The following PARP4 variants were observed in gnomAD, a reference collection of about 807,000 sequenced individuals.
PARP4 encodes the protein poly(ADP-ribose) polymerase family member 4, also known as protein mono-ADP-ribosyltransferase PARP4.
A neutral mutation model predicts 187.7 loss-of-function variants in PARP4; 120 were observed. The observed-to-expected ratio is 0.64, with a 90% CI of 0.55 to 0.74. The LOEUF is 0.74. PARP4 is among the 30% of genes least tolerant of loss of function. The probability of loss-of-function intolerance (pLI) is 0.00; values close to 1 mark genes in which losing one functional copy is unlikely to be tolerated. For missense variants in PARP4, 1,836 were observed against 2,070.5 expected, an observed-to-expected ratio of 0.89 and a Z score of 2.20; for synonymous variants, 654 against 740.9, an observed-to-expected ratio of 0.88 and a Z score of 1.90.
chr13:24,426,319 T>C (rs1270392639), intron 33 of PARP4, 147 bp downstream of exon 33: 1 of 629,150 alleles, frequency 1.6e-6, no homozygotes, highest in Non-Finnish European at 2.7e-6. Context: ...CAGGAGACTA[T>C]GGGCAAGCTG....
chr13:24,455,614 CTTT>C (rs1233823030), intron 21 of PARP4, among the ~76,000 whole-genome samples: 7,884 of 115,230 alleles, frequency 0.068, 163 homozygotes, highest in Non-Finnish European at 0.1. Flanking sequence ...TGTAAGTTTC[CTTT>C]TTTTTTTTTT....
intron 1 of PARP4, among the ~76,000 whole-genome samples, chr13:24,510,980 T>A (rs112605775): frequency 3.7e-5 from 2 of 53,578 alleles, no homozygotes; most frequent in African/African-American, 1.4e-4. Flanking sequence ...AGAGACAGGG[T>A]TCTTACTATG....
chr13:24,492,604 G>A lies in PARP4; in HGVS notation c.880-10C>T. 1 of 1,603,626 alleles carries A rather than the reference G, an allele frequency of 6.2e-7. No individual in the cohort carries two copies. Among genetic ancestry groups the A allele is most frequent in the South Asian group, 1.1e-5 (1 of 90,216 alleles). On this transcript the variant is annotated splice_polypyrimidine_tract_variant and intron_variant, in intron 8 of 33. Transcript: ENST00000381989. ...CCTCTGCCTTGCTCACCTTTCAACA[G>A]ATCATATATGCTTATTACAATGAAA...
rs542327135 is a variant in PARP4 at position 24,487,049 on chromosome 13, C to T, written c.1215-744G>A. On this transcript the variant is annotated intron_variant, in intron 10 of 33. Transcript: ENST00000381989. ...GGCTGTGGTGGGCGGATCATGAGGT[C>T]AGGAGATCAAGACCATCCTAGCCAA... is the stretch of plus-strand genomic sequence containing the variant. Among the ~76,000 whole-genome samples, 3 of 151,220 alleles carry T rather than the reference C, an allele frequency of 2.0e-5. No individual in the cohort carries two copies. In the East Asian group the frequency reaches 5.8e-4, roughly 29 times the overall value.
At chr13:24,426,765 A>G (rs1870072977) in intron 32 of PARP4, among the ~76,000 whole-genome samples, 167 bp from the exon 33 acceptor site, 1 of 151,428 alleles carries the variant, frequency 6.6e-6, no homozygotes, top group Non-Finnish European at 1.5e-5. Context: ...GGTGGCAGGC[A>G]CCTGTAGTCC....
intron 27 of PARP4, among the ~76,000 whole-genome samples, chr13:24,444,499 A>G (rs181909039): frequency 1.6e-3 from 242 of 152,304 alleles, no homozygotes; most frequent in African/African-American, 5.5e-3. Context: ...TGAGAAAAAA[A>G]CCCAGCAATG....
chr13:24,509,057 A>C (rs954695894), intron 1 of PARP4, among the ~76,000 whole-genome samples: 1 of 152,206 alleles, frequency 6.6e-6, no homozygotes, highest in African/African-American at 2.4e-5. Context: ...TCATCTTAGA[A>C]AATAATACTC....
intron 7 of PARP4, 26 bp from the exon 8 acceptor site, chr13:24,493,759 C>A: frequency 1.2e-6 from 2 of 1,610,770 alleles, no homozygotes; most frequent in South Asian, 2.2e-5. Context: ...AGAAATGCCA[C>A]CAAAAAGTCA....
At chr13:24,452,364 C>T in intron 24 of PARP4, 42 bp downstream of exon 24, 1 of 1,520,370 alleles carries the variant, frequency 6.6e-7, no homozygotes, top group South Asian at 1.2e-5. Flanking sequence ...AAGACGACCT[C>T]CCCGTGGGTC....
At chr13:24,446,548 G>T in intron 27 of PARP4, 133 bp downstream of exon 27, 1 of 609,868 alleles carries the variant, frequency 1.6e-6, no homozygotes, top group Non-Finnish European at 2.9e-6. Flanking sequence ...GAAAGTTTAC[G>T]AATTTGTATT....
intron 1 of PARP4, among the ~76,000 whole-genome samples, chr13:24,509,769 A>G (rs982516357): frequency 6.6e-6 from 1 of 151,744 alleles, no homozygotes; most frequent in African/African-American, 2.4e-5. Context: ...GCATGATCTC[A>G]GCTCACTGCA....
Position 24,484,635 on chromosome 13 carries a change from A to T in PARP4, c.1448+18T>A. 6.5e-7 allele frequency: 1 copy of T among 1,543,780 alleles called. No individual in the cohort carries two copies. Among genetic ancestry groups the T allele is most frequent in the Non-Finnish European group, 9.0e-7 (1 of 1,115,852 alleles). On this transcript the variant is annotated intron_variant, in intron 12 of 33. Transcript: ENST00000381989. ...GCAAGTATTCAGTAACGATTCTGTG[A>T]TTAAGGATCGAACATACCTGAGCGA... is the stretch of plus-strand genomic sequence containing the variant.
At chr13:24,447,629 G>A (rs1871279660) in intron 25 of PARP4, among the ~76,000 whole-genome samples, 1 of 152,232 alleles carries the variant, frequency 6.6e-6, no homozygotes, top group Non-Finnish European at 1.5e-5. Context: ...CCAAAGTGCT[G>A]GGGTTATAGG....
chr13:24,480,110 T>G (rs1873197070), intron 12 of PARP4, among the ~76,000 whole-genome samples: 1 of 152,210 alleles, frequency 6.6e-6, no homozygotes. Flanking sequence ...CTTTAGGAAC[T>G]GTAACACTCA....
At chr13:24,486,559 A>T (rs1319640972) in intron 10 of PARP4, among the ~76,000 whole-genome samples, 1 of 152,258 alleles carries the variant, frequency 6.6e-6, no homozygotes, top group Non-Finnish European at 1.5e-5. Context: ...TATACATAGT[A>T]TTATCCCAAT....
At chr13:24,470,269 T>C (rs764248880) in intron 15 of PARP4, among the ~76,000 whole-genome samples, 1 of 152,226 alleles carries the variant, frequency 6.6e-6, no homozygotes, top group Non-Finnish European at 1.5e-5. Flanking sequence ...ACCTGAAGTC[T>C]TACCAACACT....
rs772113644 is a variant in PARP4, at chr13:24,493,720, T to C, written c.755A>G (p.Glu252Gly). Residue 252 changes from glutamate (E) to glycine (G), a missense_variant, in exon 8 of 34, where the codon GAA becomes GGA. This residue lies in a region of PARP4 where 1,147 missense variants were observed against 1,214.2 expected (regional missense o/e 0.94). Transcript: ENST00000381989. ...GCTCAGAGTGCTTGAATTCATGACTTCCTCCAAAAGCAACTACAATAATAA... is the reference window on the plus strand; with the variant it reads ...GCTCAGAGTGCTTGAATTCATGACTCCCTCCAAAAGCAACTACAATAATAA... ...SEQLQALLLE[E>G]VMNSSTLSQE... is the part of the protein sequence containing the mutation. The C allele has an allele frequency of 6.2e-7, 1 of 1,613,346 alleles. No homozygotes were observed. Among genetic ancestry groups the C allele is most frequent in the East Asian group, 2.2e-5 (1 of 44,864 alleles).
chr13:24,468,683 C>T (rs1872595511), intron 17 of PARP4, among the ~76,000 whole-genome samples: 1 of 152,142 alleles, frequency 6.6e-6, no homozygotes, highest in African/African-American at 2.4e-5. Context: ...GGATTACAGG[C>T]ATAAGTCATT....
intron 27 of PARP4, among the ~76,000 whole-genome samples, chr13:24,446,164 G>A (rs967889350): frequency 6.6e-6 from 1 of 152,134 alleles, no homozygotes; most frequent in Non-Finnish European, 1.5e-5. Context: ...CCTTTATTGA[G>A]TTATGAACAT....
Sources: allele counts gnomAD v4.1 joint callset (sites outside exome capture counted in the v4.1 genomes callset), GRCh38; gene constraint gnomAD v4.1.1; regional missense constraint gnomAD v4.1.1; transcripts MANE v1.5; gene names NCBI Gene and HGNC (gene_info 2026-07-23, HGNC 2026-07-21).